TIAM2: variants seen among roughly 807,000 people sequenced by gnomAD.
The protein encoded by TIAM2 is TIAM Rac1 associated GEF 2.
A neutral mutation model predicts 152.9 loss-of-function variants in TIAM2; 80 were observed. The ratio of observed to expected loss-of-function variants is 0.52; its 90% CI spans 0.44 to 0.63. The LOEUF (loss-of-function observed/expected upper bound fraction) is 0.63. Among genes scored for constraint, TIAM2 ranks in the 30% least tolerant of loss-of-function variants. The pLI, the probability that TIAM2 is intolerant of heterozygous loss-of-function variation, is 0.00. For synonymous variants in TIAM2, 804 were observed against 838.0 expected, an observed-to-expected ratio of 0.96 and a Z score of 0.70; for missense variants, 1,965 against 2,120.1, an observed-to-expected ratio of 0.93 and a Z score of 1.44.
intron 14 of TIAM2, among the ~76,000 whole-genome samples, chr6:155,200,980 C>G (rs1781461788): frequency 6.6e-6 from 1 of 152,006 alleles, no homozygotes; most frequent in African/African-American, 2.4e-5. Flanking sequence ...ACGCTCCAAC[C>G]CCCGCTCCTG....
intron 1 of TIAM2, among the ~76,000 whole-genome samples, chr6:155,033,823 TCTC>T (rs924242318): frequency 6.6e-6 from 1 of 151,860 alleles, no homozygotes; most frequent in African/African-American, 2.4e-5. Flanking sequence ...TTCAAGCAAT[TCTC>T]CTGCCTTAGC....
At chr6:155,033,837 C>T (rs759615206) in intron 1 of TIAM2, among the ~76,000 whole-genome samples, 1 of 151,942 alleles carries the variant, frequency 6.6e-6, no homozygotes, top group Non-Finnish European at 1.5e-5. Context: ...CTGCCTTAGC[C>T]TTCTGAGTAG....
chr6:155,197,711 C>A (rs573163639), intron 14 of TIAM2, among the ~76,000 whole-genome samples: 1 of 152,118 alleles, frequency 6.6e-6, no homozygotes, highest in East Asian at 1.9e-4. Flanking sequence ...ATGGCGGCGG[C>A]AAGCAGAAGG....
chr6:155,001,950 G>A lies in TIAM2; in HGVS notation c.-209+6458G>A, dbSNP rs187267076. ...GGATTCTCATTGCTTTTAAAATATA[G>A]TGATGAATTTTAGTGCAATATTTTG... On this transcript the variant is annotated intron_variant, in intron 1 of 26. Transcript: ENST00000682666. 6.6e-5 allele frequency among the ~76,000 whole-genome samples: 10 copies of A among 152,302 alleles called. No individual in the cohort carries two copies. The East Asian group carries it at 1.9e-3, about 29-fold the overall frequency.
At chr6:155,175,403 C>A (rs542640657) in intron 9 of TIAM2, among the ~76,000 whole-genome samples, 1 of 152,176 alleles carries the variant, frequency 6.6e-6, no homozygotes, top group East Asian at 1.9e-4. Flanking sequence ...GTAAAATCAC[C>A]CATTAATGAT....
intron 15 of TIAM2, 34 bp downstream of exon 15, chr6:155,211,341 C>A (rs773138818): frequency 1.9e-6 from 3 of 1,588,032 alleles, no homozygotes; most frequent in East Asian, 4.5e-5. Flanking sequence ...AACCAAGAAC[C>A]AGGCAGGCGA....
At chr6:155,045,840 C>CTTTTTT (rs11354850) in intron 1 of TIAM2, among the ~76,000 whole-genome samples, 20 of 60,484 alleles carry the variant, frequency 3.3e-4, no homozygotes, top group Middle Eastern at 0.023. Flanking sequence ...ATAGTGCCCT[C>CTTTTTT]TTTTTTTTTT....
At chr6:155,015,820 G>A (rs962632938) in intron 1 of TIAM2, among the ~76,000 whole-genome samples, 12 of 151,738 alleles carry the variant, frequency 7.9e-5, no homozygotes, top group Non-Finnish European at 1.6e-4. Flanking sequence ...ACCTGTAGTT[G>A]CAGATACTTG....
intron 15 of TIAM2, among the ~76,000 whole-genome samples, chr6:155,221,798 T>G (rs115038327): frequency 0.011 from 1,732 of 152,234 alleles, 34 homozygotes; most frequent in African/African-American, 0.039. Context: ...TTTATTTCCT[T>G]TCTGGGCTTC....
At chr6:155,013,468 C>A (rs949213101) in intron 1 of TIAM2, among the ~76,000 whole-genome samples, 1 of 152,128 alleles carries the variant, frequency 6.6e-6, no homozygotes, top group Non-Finnish European at 1.5e-5. Context: ...CTGCATCTGG[C>A]GCTGTGCTAG....
At chr6:155,185,317 G>A (rs999345409) in intron 14 of TIAM2, among the ~76,000 whole-genome samples, 2 of 151,384 alleles carry the variant, frequency 1.3e-5, no homozygotes, top group African/African-American at 4.8e-5. Flanking sequence ...AATAGAGATG[G>A]GGTTTCACCA....
chr6:155,163,859 C>T (rs1780337851), intron 7 of TIAM2, among the ~76,000 whole-genome samples: 2 of 152,118 alleles, frequency 1.3e-5, no homozygotes, highest in African/African-American at 4.8e-5. Context: ...TCCAAACAAA[C>T]ATCATGCCTT....
chr6:155,179,030 T>C lies in TIAM2; in HGVS notation c.2524-9T>C. ...TTTAAAATCTGAATAACTGTCTTTTTCTTTATAGATGAGGCAGTTGGAACC... is the reference window on the plus strand; with the variant it reads ...TTTAAAATCTGAATAACTGTCTTTTCCTTTATAGATGAGGCAGTTGGAACC... On this transcript the variant is annotated splice_polypyrimidine_tract_variant and intron_variant, in intron 10 of 26. Transcript: ENST00000682666. The C allele has an allele frequency of 6.2e-7, 1 of 1,602,544 alleles. No homozygotes were observed. Among genetic ancestry groups the C allele is most frequent in the Non-Finnish European group, 8.5e-7 (1 of 1,172,766 alleles).
intron 15 of TIAM2, among the ~76,000 whole-genome samples, chr6:155,212,069 A>G (rs1271918941): frequency 1.3e-5 from 2 of 152,228 alleles, no homozygotes; most frequent in African/African-American, 4.8e-5. Flanking sequence ...ATGGCTGAGT[A>G]ATATTCCATT....
rs1292537220 is a variant in TIAM2 at position 155,002,672 on chromosome 6, G to GA, written c.-209+7180_-209+7181insA. 3.8e-5 allele frequency among the ~76,000 whole-genome samples: 4 copies of GA among 104,300 alleles called. No individual in the cohort carries two copies. The East Asian group carries it at 1.2e-3, about 32-fold the overall frequency. 68.4% of individuals were successfully genotyped at this position (104,300 alleles called of 152,430 possible). A position where few individuals can be genotyped will look rare whatever the true frequency, so the allele number is the denominator to read the frequency against. On this transcript the variant is annotated intron_variant, in intron 1 of 26. Transcript: ENST00000682666. ...CCATCACACAGGGAGTGCTTTGCTT[G>GA]TTTTATTTATTTATTTATTTATTTT...
chr6:155,047,810 C>T (rs774238625), intron 1 of TIAM2, among the ~76,000 whole-genome samples: 10 of 151,346 alleles, frequency 6.6e-5, no homozygotes, highest in East Asian at 3.9e-4. Context: ...CTCTTCACTT[C>T]GGGGAGGGAA....
intron 1 of TIAM2, among the ~76,000 whole-genome samples, chr6:155,017,566 C>T (rs1489655477): frequency 1.4e-5 from 2 of 140,646 alleles, no homozygotes; most frequent in Non-Finnish European, 3.0e-5. Flanking sequence ...TGCAGTAGTG[C>T]GATCTTGGCT....
intron 1 of TIAM2, among the ~76,000 whole-genome samples, chr6:155,065,041 C>T (rs897574174): frequency 2.6e-5 from 4 of 152,140 alleles, no homozygotes; most frequent in Admixed American, 2.0e-4. Flanking sequence ...CTGCAACCTC[C>T]ACCTCCCGGT....
In TIAM2 at chr6:155,251,981, A is replaced by G; in HGVS notation, c.4097A>G (p.Asn1366Ser). 6.2e-7 allele frequency: 1 copy of G among 1,605,510 alleles called. No homozygotes were observed. The highest frequency in any genetic ancestry group is 1.1e-5 in the South Asian group (1 of 89,524). ...GCCGTCATACTGGTTTATAAAGAAA[A>G]CTGCAAACTGAAAAAGAAATTGGTA... ...KRAVILVYKE[N>S]CKLKKKLPSN... The change falls in exon 23 of 27, where the codon AAC becomes AGC. Residue 1366 changes from asparagine (N) to serine (S), a missense_variant. By Grantham distance (46) the Asn-to-Ser change is conservative. Transcript: ENST00000682666.
Sources: allele counts gnomAD v4.1 joint callset (sites outside exome capture counted in the v4.1 genomes callset), GRCh38; gene constraint gnomAD v4.1.1; transcripts MANE v1.5; gene names NCBI Gene and HGNC (gene_info 2026-07-23, HGNC 2026-07-21).